Variants in CACNB4 observed in about 807,000 individuals in gnomAD.
The protein encoded by CACNB4 is voltage-dependent L-type calcium channel subunit beta-4.
In CACNB4, 32 loss-of-function variants were observed where a neutral mutation model predicts 71.2. That is an observed-to-expected ratio of 0.45 (90% CI 0.34 to 0.60). The LOEUF (loss-of-function observed/expected upper bound fraction) is 0.60, where lower values mean the gene tolerates loss of function less well. Ranked by LOEUF, CACNB4 falls within the 20% of genes least tolerant of loss-of-function variation. The pLI is 0.01. For missense variants in CACNB4, 464 were observed against 647.9 expected (o/e 0.72, Z 3.08); for synonymous variants, 231 against 236.9 (o/e 0.97, Z 0.23).
chr2:151,989,149 G>T (rs569061730), intron 2 of CACNB4, among the ~76,000 whole-genome samples: 23 of 152,220 alleles, frequency 1.5e-4, no homozygotes, highest in African/African-American at 5.3e-4. Context: ...GTACGAATCT[G>T]GTTCCATATG....
intron 2 of CACNB4, among the ~76,000 whole-genome samples, chr2:151,923,440 A>G (rs4664509): frequency 0.96 from 146,787 of 152,266 alleles, 70,981 homozygotes; most frequent in East Asian, 1. Context: ...TTGAACTTCC[A>G]TGCTTTGCTC....
At chr2:151,895,974 A>G (rs2099851948) in intron 2 of CACNB4, among the ~76,000 whole-genome samples, 1 of 151,676 alleles carries the variant, frequency 6.6e-6, no homozygotes, top group African/African-American at 2.4e-5. Flanking sequence ...CCTCCCCAGT[A>G]GTTGGAATTA....
rs114640529 is a variant in CACNB4, at chr2:151,936,686, C to T, written c.148-53316G>A. 3.2e-3 allele frequency among the ~76,000 whole-genome samples: 485 copies of T among 152,350 alleles called. 4 individuals are homozygous for T. The highest frequency in any genetic ancestry group is 0.011 in the African/African-American group (465 of 41,590). ...GGCAGCCTTGCAGGGAGCAGGTCTA[C>T]AAAGGTGAAAGCCTCCTCCTCATCT... On this transcript the variant is annotated intron_variant, in intron 2 of 13. Coordinates refer to ENST00000539935, the MANE Select transcript of CACNB4 (RefSeq NM_000726.5).
chr2:152,080,144 C>T (rs1293018949), intron 2 of CACNB4, among the ~76,000 whole-genome samples: 5 of 150,140 alleles, frequency 3.3e-5, no homozygotes, highest in East Asian at 1.9e-4. Flanking sequence ...TTTTTTGAGG[C>T]GGAGTCTCGC....
intron 2 of CACNB4, among the ~76,000 whole-genome samples, chr2:152,016,263 A>G (rs1428065028): frequency 6.6e-6 from 1 of 152,224 alleles, no homozygotes; most frequent in Non-Finnish European, 1.5e-5. Flanking sequence ...GTAAAAAGAC[A>G]AAAGTTCCAT....
At chr2:151,880,969 G>A (rs766868124) in intron 3 of CACNB4, 47 bp from the exon 4 acceptor site, 3 of 1,537,282 alleles carry the variant, frequency 2.0e-6, no homozygotes, top group East Asian at 2.3e-5. Flanking sequence ...GAGGAGAGAG[G>A]AGCATTTTTC....
At chr2:152,027,678 C>A (rs1025663157) in intron 2 of CACNB4, among the ~76,000 whole-genome samples, 5 of 152,080 alleles carry the variant, frequency 3.3e-5, no homozygotes, top group Admixed American at 3.3e-4. Context: ...ACGGTGAAAC[C>A]CAGTCTCTAC....
chr2:152,079,140 G>A (rs572507169), intron 2 of CACNB4, among the ~76,000 whole-genome samples: 1 of 152,218 alleles, frequency 6.6e-6, no homozygotes, highest in East Asian at 1.9e-4. Flanking sequence ...CCAGGCTGGA[G>A]TGCAGTGGCT....
chr2:151,889,465 CAAAA>C (rs55990443), intron 2 of CACNB4, among the ~76,000 whole-genome samples: 3 of 94,742 alleles, frequency 3.2e-5, no homozygotes, highest in Non-Finnish European at 2.2e-5. Context: ...GACTCTGTCT[CAAAA>C]AAAAAAAAAA....
At chr2:152,069,055 C>T (rs1020033295) in intron 2 of CACNB4, among the ~76,000 whole-genome samples, 2 of 152,172 alleles carry the variant, frequency 1.3e-5, no homozygotes, top group African/African-American at 4.8e-5. Flanking sequence ...TATGAGGGAG[C>T]TAACCCCTGT....
chr2:152,078,638 T>C (rs1037407061), intron 2 of CACNB4, among the ~76,000 whole-genome samples: 1 of 152,170 alleles, frequency 6.6e-6, no homozygotes, highest in Non-Finnish European at 1.5e-5. Flanking sequence ...GGGTCATCCC[T>C]TTAAAAAGGA....
chr2:151,992,461 C>G (rs1489208456), intron 2 of CACNB4, among the ~76,000 whole-genome samples: 1 of 152,176 alleles, frequency 6.6e-6, no homozygotes, highest in East Asian at 1.9e-4. Flanking sequence ...GCAACTATAG[C>G]TTTGGGACGT....
chr2:152,034,130 T>G lies in CACNB4; in HGVS notation c.147+64200A>C, dbSNP rs148558532. On this transcript the variant is annotated intron_variant, in intron 2 of 13. Coordinates refer to ENST00000539935, the MANE Select transcript of CACNB4 (RefSeq NM_000726.5). ...AAACCTGTCAGGCTTAAGAGCAAGA[T>G]GGACTCGGAGTGGCTTTCTCCTCAT... Among the ~76,000 whole-genome samples the G allele has an allele frequency of 4.6e-5, 7 of 152,322 alleles. No individual in the cohort carries two copies. In the East Asian group the frequency reaches 1.3e-3, roughly 29 times the overall value.
At chr2:151,948,921 G>T (rs13000853) in intron 2 of CACNB4, among the ~76,000 whole-genome samples, 34,130 of 151,930 alleles carry the variant, frequency 0.22, 3,953 homozygotes, top group Middle Eastern at 0.42. Context: ...GAGAATAAAT[G>T]GAATGATAGT....
chr2:152,028,598 A>G (rs1684102263), intron 2 of CACNB4, among the ~76,000 whole-genome samples: 2 of 152,230 alleles, frequency 1.3e-5, no homozygotes, highest in Non-Finnish European at 2.9e-5. Context: ...CGAAAGAAGA[A>G]GGGAGTATTA....
chr2:151,935,817 T>C (rs929052650), intron 2 of CACNB4, among the ~76,000 whole-genome samples: 1 of 152,232 alleles, frequency 6.6e-6, no homozygotes, highest in Non-Finnish European at 1.5e-5. Context: ...ATGTGTTCTT[T>C]TATTCAACTG....
intron 2 of CACNB4, chr2:151,970,204 T>A (rs1204957935): frequency 6.6e-6 from 1 of 152,202 alleles, no homozygotes; most frequent in Non-Finnish European, 1.5e-5. Context: ...CTAGTCCTAG[T>A]ATGCTCAACA....
chr2:151,912,440 G>C (rs1188056200), intron 2 of CACNB4, among the ~76,000 whole-genome samples: 1 of 146,404 alleles, frequency 6.8e-6, no homozygotes, highest in African/African-American at 2.5e-5. Flanking sequence ...GAGTCATTCA[G>C]GAGCAGGTTG....
intron 2 of CACNB4, among the ~76,000 whole-genome samples, chr2:152,084,888 G>T (rs186794864): frequency 1.3e-5 from 2 of 152,090 alleles, no homozygotes; most frequent in East Asian, 3.9e-4. Flanking sequence ...GCTTCCCAAA[G>T]TGCTGGGATT....
Sources: gnomAD v4.1 joint callset for allele counts (sites outside exome capture counted in the v4.1 genomes callset) on GRCh38, gnomAD v4.1.1 for gene constraint, MANE v1.5 for transcripts, NCBI Gene and HGNC (gene_info 2026-07-23, HGNC 2026-07-21) for gene names.